CPPED1: variants seen among roughly 807,000 people sequenced by gnomAD.
CPPED1 encodes the protein serine/threonine-protein phosphatase CPPED1.
Under a neutral mutation model 28.0 loss-of-function variants are expected in CPPED1, and 28 were observed. The observed-to-expected ratio is 1.00, with a 90% confidence interval of 0.74 to 1.37. The LOEUF (loss-of-function observed/expected upper bound fraction) is 1.37, where lower values mean the gene tolerates loss of function less well. Among genes scored for constraint, CPPED1 ranks in the 40% most tolerant of loss-of-function variants. CPPED1 has a pLI of 0.00. For missense variants in CPPED1, 504 were observed against 416.5 expected (o/e 1.21, Z -1.83); for synonymous variants, 198 against 180.2 (o/e 1.10, Z -0.79).
intron 3 of CPPED1, among the ~76,000 whole-genome samples, chr16:12,700,483 C>T (rs2080014630): frequency 6.6e-6 from 1 of 152,168 alleles, no homozygotes; most frequent in African/African-American, 2.4e-5. Flanking sequence ...CTCCACCTCC[C>T]AGGTACAAGC....
At chr16:12,798,347 T>G (rs115601605) in intron 1 of CPPED1, among the ~76,000 whole-genome samples, 2 of 152,238 alleles carry the variant, frequency 1.3e-5, no homozygotes, top group Non-Finnish European at 2.9e-5. Context: ...CCTAAATGTA[T>G]GGCACAATTT....
chr16:12,734,138 C>T (rs1013024338), intron 2 of CPPED1, among the ~76,000 whole-genome samples: 4 of 126,952 alleles, frequency 3.2e-5, no homozygotes, highest in East Asian at 2.6e-4. Context: ...GGCACGATCT[C>T]GGGTCACTGC....
chr16:12,734,180 C>T (rs1163548795), intron 2 of CPPED1, among the ~76,000 whole-genome samples: 1 of 149,190 alleles, frequency 6.7e-6, no homozygotes, highest in Non-Finnish European at 1.5e-5. Flanking sequence ...AGCGATTCTC[C>T]TGCCTCCGCC....
chr16:12,802,111 C>T (rs2080663559), intron 1 of CPPED1, among the ~76,000 whole-genome samples: 1 of 152,090 alleles, frequency 6.6e-6, no homozygotes. Flanking sequence ...AGGCAAGGAG[C>T]CCACCGATGT....
At chr16:12,803,640 A>AAAGGTTCCCCCGGCGG (rs1010040901) in intron 1 of CPPED1, 67 bp downstream of exon 1, 143 of 1,334,540 alleles carry the variant, frequency 1.1e-4, no homozygotes, top group Non-Finnish European at 1.4e-4. Flanking sequence ...CACCTGAACA[A>AAAGGTTCCCCCGGCGG]AAGGTTCCCC....
In CPPED1 at chr16:12,701,049, G is replaced by C. The variant is rs532284567; in HGVS notation, c.715+3575C>G. 3.9e-5 allele frequency among the ~76,000 whole-genome samples: 6 copies of C among 152,134 alleles called. No homozygotes were observed. In the East Asian group the frequency reaches 9.7e-4, roughly 25 times the overall value. On this transcript the variant is annotated intron_variant, in intron 3 of 3. Transcript: ENST00000381774. Reference sequence around the variant, plus strand: ...TTGATATCAGCCTGGGCAACACAGTGAGACCTCCATCTCTGCAAAAAATAA... The same window carrying C: ...TTGATATCAGCCTGGGCAACACAGTCAGACCTCCATCTCTGCAAAAAATAA...
intron 3 of CPPED1, among the ~76,000 whole-genome samples, chr16:12,703,365 C>T (rs1311451423): frequency 6.6e-6 from 1 of 152,218 alleles, no homozygotes; most frequent in Non-Finnish European, 1.5e-5. Context: ...GGACTAAATC[C>T]GTTACTCTCT....
chr16:12,712,420 G>A lies in CPPED1; in HGVS notation c.290-7371C>T, dbSNP rs558262630. 3.9e-5 allele frequency among the ~76,000 whole-genome samples: 6 copies of A among 152,314 alleles called. No individual in the cohort carries two copies. The East Asian group carries it at 1.2e-3, about 29-fold the overall frequency. The stretch of plus-strand genomic sequence containing the variant: ...TCCATTTAAACTTTAATAACTTCAT[G>A]ATATTGAGTGAGCCAGCAGTTCCAT... On this transcript the variant is annotated intron_variant, in intron 2 of 3. Coordinates refer to ENST00000381774, the MANE Select transcript of CPPED1 (RefSeq NM_018340.3).
chr16:12,700,774 A>G (rs1400254119), intron 3 of CPPED1, among the ~76,000 whole-genome samples: 1 of 152,214 alleles, frequency 6.6e-6, no homozygotes, highest in East Asian at 1.9e-4. Context: ...TCCCAACTGC[A>G]TAGCTGAATA....
intron 2 of CPPED1, among the ~76,000 whole-genome samples, chr16:12,728,918 C>G (rs889553832): frequency 2.0e-5 from 3 of 152,162 alleles, no homozygotes; most frequent in Non-Finnish European, 2.9e-5. Flanking sequence ...AAACGGTGAG[C>G]TCACTGGGGC....
At chr16:12,684,591 C>G (rs2079923112) in intron 3 of CPPED1, among the ~76,000 whole-genome samples, 1 of 152,208 alleles carries the variant, frequency 6.6e-6, no homozygotes, top group African/African-American at 2.4e-5. Context: ...CAAGACCCTG[C>G]TCATTCGTTT....
intron 2 of CPPED1, among the ~76,000 whole-genome samples, chr16:12,767,351 G>C (rs2080445501): frequency 6.6e-6 from 1 of 152,096 alleles, no homozygotes; most frequent in Admixed American, 6.6e-5. Flanking sequence ...CAATGCATTG[G>C]ATGATGCCTG....
intron 3 of CPPED1, among the ~76,000 whole-genome samples, chr16:12,674,630 T>G (rs551444536): frequency 6.6e-6 from 1 of 152,172 alleles, no homozygotes; most frequent in African/African-American, 2.4e-5. Flanking sequence ...ATCCTCCCAA[T>G]GCACCTCTGT....
At chr16:12,789,761 G>A (rs1036175636) in intron 1 of CPPED1, among the ~76,000 whole-genome samples, 6 of 152,046 alleles carry the variant, frequency 3.9e-5, no homozygotes, top group Non-Finnish European at 8.8e-5. Context: ...TCCTGAGCTC[G>A]AGTGATCAGC....
chr16:12,752,172 T>C (rs532797974), intron 2 of CPPED1, among the ~76,000 whole-genome samples: 2 of 152,224 alleles, frequency 1.3e-5, no homozygotes, highest in Admixed American at 1.3e-4. Flanking sequence ...AAAGTGCTGT[T>C]TGAATATAAA....
intron 3 of CPPED1, among the ~76,000 whole-genome samples, chr16:12,674,594 CTG>C (rs902835114): frequency 6.6e-6 from 1 of 152,150 alleles, no homozygotes; most frequent in Non-Finnish European, 1.5e-5. Flanking sequence ...GCGGGGCACT[CTG>C]TATCCTTCAT....
intron 2 of CPPED1, 96 bp from the exon 3 acceptor site, chr16:12,705,145 G>A (rs2080043207): frequency 1.5e-6 from 2 of 1,314,454 alleles, no homozygotes; most frequent in East Asian, 2.5e-5. Flanking sequence ...TAAAAAAAGA[G>A]TAATCTGGAA....
At chr16:12,770,055 G>A (rs560029725) in intron 2 of CPPED1, among the ~76,000 whole-genome samples, 1 of 152,284 alleles carries the variant, frequency 6.6e-6, no homozygotes, top group South Asian at 2.1e-4. Flanking sequence ...CAATGGAAAT[G>A]TTCTGAGTAT....
At chr16:12,699,985 G>A (rs1352313651) in intron 3 of CPPED1, among the ~76,000 whole-genome samples, 1 of 152,190 alleles carries the variant, frequency 6.6e-6, no homozygotes, top group Admixed American at 6.5e-5. Context: ...GTACAGCCAA[G>A]AGCGCCCACC....
Sources: allele counts gnomAD v4.1 joint callset (sites outside exome capture counted in the v4.1 genomes callset), GRCh38; gene constraint gnomAD v4.1.1; transcripts MANE v1.5; gene names NCBI Gene and HGNC (gene_info 2026-07-23, HGNC 2026-07-21).